Variants in ZNF154 observed in about 807,000 individuals in gnomAD.
ZNF154 encodes the protein zinc finger protein 154 (pHZ-92).
In ZNF154, 6 loss-of-function variants were observed where a neutral mutation model predicts 7.5. That is an observed-to-expected ratio of 0.80 (90% CI 0.44 to 1.57). ZNF154 has a LOEUF of 1.57. Ranked by LOEUF, ZNF154 falls within the 40% of genes most tolerant of loss-of-function variation. The pLI is 0.01. For missense variants in ZNF154, 485 were observed against 531.4 expected, an observed-to-expected ratio of 0.91 and a Z score of 0.86; for synonymous variants, 187 against 185.9, an observed-to-expected ratio of 1.01 and a Z score of -0.05.
rs1420930378 is a variant in ZNF154, at chr19:57,702,047, T to G, written c.902A>C (p.Tyr301Ser). 2.8e-5 allele frequency: 45 copies of G among 1,613,954 alleles called. No homozygotes were observed. Among genetic ancestry groups the G allele is most frequent in the Non-Finnish European group, 3.8e-5 (45 of 1,180,032 alleles). ...HQKVHSGSRP[Y>S]ECSECGKSFS... The stretch of plus-strand genomic sequence containing the variant: ...TGACTTCCCACATTCGCTGCACTCA[T>G]AAGGCCTGGATCCACTGTGAACTTT... Residue 301 changes from tyrosine to serine, a missense_variant, in exon 3 of 3, where the codon TAT becomes TCT. Tyr to Ser is a moderately radical substitution (Grantham distance 144, BLOSUM62 -2). Transcript: ENST00000684351.
chr19:57,704,254 G>A (rs1384060506), intron 2 of ZNF154, among the ~76,000 whole-genome samples: 4 of 152,080 alleles, frequency 2.6e-5, no homozygotes, highest in East Asian at 1.9e-4. Flanking sequence ...CAAAATGCTC[G>A]CCAAACAGAA....
chr19:57,708,989 G>A lies in ZNF154; in HGVS notation c.-18C>T. 1 of 1,555,872 alleles carries A rather than the reference G, an allele frequency of 6.4e-7. No homozygotes were observed. The highest frequency in any genetic ancestry group is 8.7e-7 in the Non-Finnish European group (1 of 1,150,716). On this transcript the variant is annotated 5_prime_UTR_variant, in exon 1 of 3. Transcript: ENST00000684351. ...GCTGCCATCAGACTCTGCGGGTAGA[G>A]CTGGGCCGGGAGCGACGGGCGACAT... is the stretch of plus-strand genomic sequence containing the variant.
Position 57,701,543 on chromosome 19 carries a change from C to A in ZNF154, c.*92G>T. ...CTGTGTGGCACTCAATGAGATATGGCCTTCAGCTGAAGCTTTCTGACATTC... is the reference window on the plus strand; with the variant it reads ...CTGTGTGGCACTCAATGAGATATGGACTTCAGCTGAAGCTTTCTGACATTC... On this transcript the variant is annotated 3_prime_UTR_variant, in exon 3 of 3. Transcript: ENST00000684351. The A allele has an allele frequency of 7.3e-7, 1 of 1,364,084 alleles. No individual in the cohort carries two copies. The highest frequency in any genetic ancestry group is 1.4e-5 in the South Asian group (1 of 70,946). 84.5% of individuals were successfully genotyped at this position (1,364,084 alleles called of 1,614,324 possible). A position where few individuals can be genotyped will look rare whatever the true frequency, so the allele number is the denominator to read the frequency against.
chr19:57,707,187 ACC>A (rs902808372), intron 1 of ZNF154, among the ~76,000 whole-genome samples: 1 of 151,638 alleles, frequency 6.6e-6, no homozygotes, highest in African/African-American at 2.4e-5. Flanking sequence ...CCACACAATG[ACC>A]ACCACATTTT....
chr19:57,704,201 T>C (rs1254632953), intron 2 of ZNF154, among the ~76,000 whole-genome samples: 1 of 152,012 alleles, frequency 6.6e-6, no homozygotes, highest in Non-Finnish European at 1.5e-5. Context: ...TCAAGAATGG[T>C]GAAGGGAAAC....
chr19:57,702,873 G>A, intron 2 of ZNF154, 85 bp from the exon 3 acceptor site: 1 of 1,338,036 alleles, frequency 7.5e-7, no homozygotes, highest in East Asian at 2.4e-5. Flanking sequence ...CCAGCCAAGA[G>A]CAAAATGTCT....
At chr19:57,705,216 C>A (rs763297425) in intron 1 of ZNF154, among the ~76,000 whole-genome samples, 1 of 152,120 alleles carries the variant, frequency 6.6e-6, no homozygotes, top group South Asian at 2.1e-4. Flanking sequence ...AATACCAGGG[C>A]CCTGCAGCTG....
At chr19:57,704,814 G>A in intron 2 of ZNF154, 39 bp downstream of exon 2, 1 of 1,598,578 alleles carries the variant, frequency 6.3e-7, no homozygotes, top group Non-Finnish European at 8.5e-7. Flanking sequence ...GAAGGGCACA[G>A]ACTAGCTCAG....
chr19:57,702,331 C>G lies in ZNF154; in HGVS notation c.618G>C (p.Gln206His). ...KSFRQSSSLI[Q>H]HRRVHTAVRP... Reference sequence around the variant, plus strand: ...GTACTGCAGTGTGAACTCTCCGGTGCTGAATGAGACTAGAGCTTTGCCTAA... The same window carrying G: ...GTACTGCAGTGTGAACTCTCCGGTGGTGAATGAGACTAGAGCTTTGCCTAA... Residue 206 changes from glutamine (Q) to histidine (H), a missense_variant, in exon 3 of 3, where the codon CAG becomes CAC. Coordinates refer to ENST00000684351, the MANE Select transcript of ZNF154 (RefSeq NM_001085384.3). The G allele has an allele frequency of 6.2e-7, 1 of 1,612,890 alleles. No homozygotes were observed.
In ZNF154 at chr19:57,701,751, G is replaced by T; in HGVS notation, c.1198C>A (p.Leu400Ile). The T allele has an allele frequency of 6.2e-7, 1 of 1,614,074 alleles. No homozygotes were observed. ...CGKSFTQNSG[L>I]IKHRRVHTGE... ...GTGTGAACCCTCCTGTGCTTAATGAGGCCGGAATTTTGAGTAAAGGATTTC... is the reference window on the plus strand; with the variant it reads ...GTGTGAACCCTCCTGTGCTTAATGATGCCGGAATTTTGAGTAAAGGATTTC... The change falls in exon 3 of 3, where the codon CTC becomes ATC. Residue 400 changes from leucine to isoleucine, a missense_variant. Physicochemically the swap from Leu to Ile is conservative, Grantham distance 5. Coordinates refer to ENST00000684351, the MANE Select transcript of ZNF154 (RefSeq NM_001085384.3).
In ZNF154 at chr19:57,698,729, T is replaced by C. The variant is rs1175755404; in HGVS notation, c.*2906A>G. ...AATAGGCATTTCTCGCTTTATGTTTTTTTGCTGACTTACTACTTGCTGTTT... is the reference window on the plus strand; with the variant it reads ...AATAGGCATTTCTCGCTTTATGTTTCTTTGCTGACTTACTACTTGCTGTTT... On this transcript the variant is annotated 3_prime_UTR_variant, in exon 3 of 3. Coordinates refer to ENST00000684351, the MANE Select transcript of ZNF154 (RefSeq NM_001085384.3). 6.6e-6 allele frequency: 1 copy of C among 152,254 alleles called. No individual in the cohort carries two copies. The highest frequency in any genetic ancestry group is 1.5e-5 in the Non-Finnish European group (1 of 68,046). The allele number at this position is 152,254 out of a possible 1,614,324, so 9.4% of individuals were successfully genotyped here.
chr19:57,698,672 ATTCT>A lies in ZNF154; in HGVS notation c.*2959_*2962del, dbSNP rs1984996623. 1 of 152,218 alleles carries A rather than the reference ATTCT, an allele frequency of 6.6e-6. No homozygotes were observed. The highest frequency in any genetic ancestry group is 2.1e-4 in the South Asian group (1 of 4,834). The allele number at this position is 152,218 out of a possible 1,614,324, so 9.4% of individuals were successfully genotyped here. A position where few individuals can be genotyped will look rare whatever the true frequency, so the allele number is the denominator to read the frequency against. ...ATTTTGCCATTTTATATTGGAAAAC[ATTCT>A]TAAATAAATGTGGTTATACATCATT... On this transcript the variant is annotated 3_prime_UTR_variant, in exon 3 of 3. Transcript: ENST00000684351.
At position 57,709,095 on chromosome 19, in the gene ZNF154, T is replaced by G. The variant is rs556013094; in HGVS notation, c.-124A>C. On this transcript the variant is annotated 5_prime_UTR_variant, in exon 1 of 3. Transcript: ENST00000684351. ...GGCGGCGTCGCCAAGGCTTAGACGC[T>G]TTCGTGCAGGAGGGACGACGACTCC... 5.9e-6 allele frequency: 8 copies of G among 1,362,282 alleles called. No individual in the cohort carries two copies. The highest frequency in any genetic ancestry group is 2.0e-5 in the Admixed American group (1 of 48,898). 84.4% of individuals were successfully genotyped at this position (1,362,282 alleles called of 1,614,324 possible).
chr19:57,705,088 C>A, intron 1 of ZNF154, 109 bp from the exon 2 acceptor site: 7 of 1,447,420 alleles, frequency 4.8e-6, no homozygotes, highest in South Asian at 1.5e-5. Context: ...AGCTCCCCAA[C>A]TGAGAGGAGA....
At chr19:57,703,201 G>A (rs2360118) in intron 2 of ZNF154, among the ~76,000 whole-genome samples, 24,659 of 152,066 alleles carry the variant, frequency 0.16, 2,096 homozygotes, top group Non-Finnish European at 0.17. Context: ...AAGATTACAA[G>A]AATGGGCCGG....
chr19:57,701,879 T>C lies in ZNF154; in HGVS notation c.1070A>G (p.Tyr357Cys), dbSNP rs1425739135. 6.2e-7 allele frequency: 1 copy of C among 1,614,018 alleles called. No individual in the cohort carries two copies. The highest frequency in any genetic ancestry group is 8.5e-7 in the Non-Finnish European group (1 of 1,180,014). The change falls in exon 3 of 3, where the codon TAT becomes TGT. Residue 357 changes from tyrosine (Y) to cysteine (C), a missense_variant. Physicochemically the swap from Tyr to Cys is radical, Grantham distance 194 (BLOSUM62 -2). Coordinates refer to ENST00000684351, the MANE Select transcript of ZNF154 (RefSeq NM_001085384.3). ...HRGVHTGERP[Y>C]ECSECGKFFP... is the part of the protein sequence containing the mutation. ...GAACTTCCCACATTCACTGCACTCATAAGGCCTCTCCCCAGTGTGAACTCC... is the reference window on the plus strand; with the variant it reads ...GAACTTCCCACATTCACTGCACTCACAAGGCCTCTCCCCAGTGTGAACTCC...
Position 57,703,068 on chromosome 19 carries a change from G to A in ZNF154, c.161-280C>T, listed in dbSNP as rs138847959. 4.3e-3 allele frequency among the ~76,000 whole-genome samples: 654 copies of A among 152,354 alleles called. 5 individuals are homozygous for A. The highest frequency in any genetic ancestry group is 7.5e-3 in the Non-Finnish European group (507 of 68,030). ...TAGTGAAGTGCACATTAACTATGGT[G>A]GGAGGGGGCAGCCCTTATACAAGTG... On this transcript the variant is annotated intron_variant, in intron 2 of 2. Transcript: ENST00000684351.
In ZNF154 at chr19:57,701,450, G is replaced by A; in HGVS notation, c.*185C>T. On this transcript the variant is annotated 3_prime_UTR_variant, in exon 3 of 3. Coordinates refer to ENST00000684351, the MANE Select transcript of ZNF154 (RefSeq NM_001085384.3). ...TTCAGGCTGATGCCACCCTCATAAG[G>A]GATCTCCTTCAGAGCTGTTATATCA... The A allele has an allele frequency of 1.5e-6, 1 of 646,570 alleles. No homozygotes were observed. The highest frequency in any genetic ancestry group is 2.1e-5 in the South Asian group (1 of 48,322). The allele number at this position is 646,570 out of a possible 1,614,324, so 40.1% of individuals were successfully genotyped here. A position where few individuals can be genotyped will look rare whatever the true frequency, so the allele number is the denominator to read the frequency against.
At position 57,702,146 on chromosome 19, in the gene ZNF154, G is replaced by C; in HGVS notation, c.803C>G (p.Thr268Ser). ...SALLQHRGVH[T>S]GERPYECSEC... The stretch of plus-strand genomic sequence containing the variant: ...ACTGCACTCATAAGGCCTCTCCCCA[G>C]TGTGAACTCCCCGATGTTGAAGGAG... Residue 268 changes from threonine to serine, a missense_variant, in exon 3 of 3, where the codon ACT (threonine) becomes AGT (serine). Coordinates refer to ENST00000684351, the MANE Select transcript of ZNF154 (RefSeq NM_001085384.3). The C allele has an allele frequency of 6.2e-7, 1 of 1,613,414 alleles. No homozygotes were observed. The highest frequency in any genetic ancestry group is 8.5e-7 in the Non-Finnish European group (1 of 1,179,888).
Sources: gnomAD v4.1 joint callset for allele counts (sites outside exome capture counted in the v4.1 genomes callset) on GRCh38, gnomAD v4.1.1 for gene constraint, MANE v1.5 for transcripts, NCBI Gene and HGNC (gene_info 2026-07-23, HGNC 2026-07-21) for gene names.